The following TENM4 variants were observed in gnomAD, a reference collection of about 807,000 sequenced individuals.
The protein encoded by TENM4 is teneurin-4.
TENM4 carries 82 observed loss-of-function variants against 243.3 expected under a neutral mutation model. The ratio of observed to expected loss-of-function variants is 0.34; its 90% confidence interval spans 0.28 to 0.40. The LOEUF is 0.40. TENM4 is among the 10% of genes least tolerant of loss of function. The pLI is 1.00. For synonymous variants in TENM4, 1,412 were observed against 1,456.3 expected (o/e 0.97, Z 0.69); for missense variants, 3,138 against 3,673.3 (o/e 0.85, Z 3.77).
At chr11:78,892,191 C>T (rs1855684095) in intron 7 of TENM4, among the ~76,000 whole-genome samples, 1 of 152,220 alleles carries the variant, frequency 6.6e-6, no homozygotes, top group Non-Finnish European at 1.5e-5. Context: ...GACAGACATA[C>T]TTGCCCTTTT....
At chr11:79,301,788 C>T (rs914324272) in intron 1 of TENM4, among the ~76,000 whole-genome samples, 1 of 152,136 alleles carries the variant, frequency 6.6e-6, no homozygotes, top group Non-Finnish European at 1.5e-5. Flanking sequence ...CTTGGCCTCA[C>T]CCCCCTTGCT....
At position 78,845,276 on chromosome 11, in the gene TENM4, A is replaced by G. The variant is rs987258733; in HGVS notation, c.1681+8828T>C. On this transcript the variant is annotated intron_variant, in intron 12 of 33. Coordinates refer to ENST00000278550, the MANE Select transcript of TENM4 (RefSeq NM_001098816.3). ...TCAGCAAATGCTGAATACTTGACACATTTAGAAACACACTGAGTACCTACC... is the reference window on the plus strand; with the variant it reads ...TCAGCAAATGCTGAATACTTGACACGTTTAGAAACACACTGAGTACCTACC... Among the ~76,000 whole-genome samples the G allele has an allele frequency of 9.2e-5, 14 of 152,248 alleles. No homozygotes were observed. In the East Asian group the frequency reaches 2.7e-3, roughly 29 times the overall value.
chr11:79,385,914 G>A (rs1858102220), intron 1 of TENM4, among the ~76,000 whole-genome samples: 1 of 152,134 alleles, frequency 6.6e-6, no homozygotes. Flanking sequence ...GAGACTTTGA[G>A]TACCTGTTGT....
At chr11:78,781,126 C>T (rs952078090) in intron 16 of TENM4, among the ~76,000 whole-genome samples, 2 of 152,152 alleles carry the variant, frequency 1.3e-5, no homozygotes, top group South Asian at 2.1e-4. Flanking sequence ...AAGGCATATG[C>T]GGAAGTCCAT....
At chr11:79,125,323 C>T (rs1861852140) in intron 4 of TENM4, among the ~76,000 whole-genome samples, 1 of 152,116 alleles carries the variant, frequency 6.6e-6, no homozygotes, top group Non-Finnish European at 1.5e-5. Context: ...GTAATGAACT[C>T]AGGGATTCCA....
chr11:79,390,366 C>A (rs1317144798), intron 1 of TENM4, among the ~76,000 whole-genome samples: 1 of 152,190 alleles, frequency 6.6e-6, no homozygotes, highest in African/African-American at 2.4e-5. Flanking sequence ...GCTCTTCTTC[C>A]AAAAGACGCC....
In TENM4 at chr11:78,786,998, G is replaced by A. The variant is rs746983695; in HGVS notation, c.2265C>T (p.Cys755=). The part of the protein sequence containing the change: ...RCEDGWMGAA[C]DQRACHPRCA... ...AGCGCGGGTGGCAGGCCCGCTGGTCGCAGGCTGCCCCCATCCAGCCATCCT... is the reference window on the plus strand; with the variant it reads ...AGCGCGGGTGGCAGGCCCGCTGGTCACAGGCTGCCCCCATCCAGCCATCCT... The change falls in exon 16 of 34, where the codon TGC becomes TGT. Residue 755 remains cysteine (C), a synonymous_variant. Transcript: ENST00000278550. 2.2e-5 allele frequency: 34 copies of A among 1,573,500 alleles called. No homozygotes were observed. The highest frequency in any genetic ancestry group is 3.3e-4 in the Middle Eastern group (2 of 6,038).
chr11:78,935,341 A>G (rs1856762000), intron 6 of TENM4, among the ~76,000 whole-genome samples: 1 of 152,140 alleles, frequency 6.6e-6, no homozygotes, highest in Admixed American at 6.5e-5. Context: ...AGTTTCTTGA[A>G]CACTTGGAAA....
intron 4 of TENM4, among the ~76,000 whole-genome samples, chr11:79,092,250 T>A (rs1362755616): frequency 3.3e-5 from 5 of 152,202 alleles, no homozygotes; most frequent in Non-Finnish European, 5.9e-5. Flanking sequence ...ACTTTCAAAG[T>A]AATGAGTGTA....
chr11:79,094,108 G>C (rs929429139), intron 4 of TENM4, among the ~76,000 whole-genome samples: 74 of 152,296 alleles, frequency 4.9e-4, no homozygotes, highest in African/African-American at 1.6e-3. Flanking sequence ...GGACAGAGCT[G>C]GTTCAGAAGC....
chr11:78,879,050 T>A (rs1859342565), intron 9 of TENM4, among the ~76,000 whole-genome samples: 1 of 150,694 alleles, frequency 6.6e-6, no homozygotes, highest in African/African-American at 2.4e-5. Context: ...GGCTGCCCCA[T>A]CTAGGAAGTG....
chr11:78,820,682 A>G (rs1857707212), intron 12 of TENM4, among the ~76,000 whole-genome samples: 1 of 152,250 alleles, frequency 6.6e-6, no homozygotes, highest in Non-Finnish European at 1.5e-5. Context: ...TCTGGGGGGT[A>G]AACCCACAGA....
intron 3 of TENM4, among the ~76,000 whole-genome samples, chr11:79,196,951 C>T (rs561532680): frequency 1.3e-4 from 20 of 152,162 alleles, no homozygotes; most frequent in Non-Finnish European, 1.5e-4. Flanking sequence ...CTTATGGATG[C>T]GTGTTCAGCA....
chr11:78,722,730 A>C lies in TENM4; in HGVS notation c.3738T>G (p.Gly1246=). Residue 1246 remains glycine, a synonymous_variant, in exon 24 of 34, where the codon GGT becomes GGG. Coordinates refer to ENST00000278550, the MANE Select transcript of TENM4 (RefSeq NM_001098816.3). ...AGATCCTTCTAATGTAGTTGAAATC[A>C]CCCACATAGAGGCTCCCGTCAGAGC... is the stretch of plus-strand genomic sequence containing the variant. ...TCGSDGSLYV[G]DFNYIRRIFP... is the part of the protein sequence containing the mutation. The C allele has an allele frequency of 6.2e-7, 1 of 1,614,030 alleles. No individual in the cohort carries two copies. The highest frequency in any genetic ancestry group is 8.5e-7 in the Non-Finnish European group (1 of 1,179,894).
At chr11:79,333,667 G>C (rs1276265680) in intron 1 of TENM4, among the ~76,000 whole-genome samples, 1 of 152,096 alleles carries the variant, frequency 6.6e-6, no homozygotes, top group East Asian at 1.9e-4. Context: ...AACCATGTCT[G>C]GTCTTCAGAT....
intron 17 of TENM4, among the ~76,000 whole-genome samples, chr11:78,775,287 G>A (rs1402370839): frequency 6.6e-6 from 1 of 152,132 alleles, no homozygotes; most frequent in African/African-American, 2.4e-5. Flanking sequence ...ATGGCATCTT[G>A]GGCACATAGT....
chr11:78,729,941 G>T (rs1855614595), intron 21 of TENM4, among the ~76,000 whole-genome samples: 1 of 152,114 alleles, frequency 6.6e-6, no homozygotes, highest in Non-Finnish European at 1.5e-5. Flanking sequence ...CCCTGCAGGA[G>T]TCACCTCACC....
chr11:78,909,338 A>G (rs931029616), intron 6 of TENM4, among the ~76,000 whole-genome samples: 10 of 152,218 alleles, frequency 6.6e-5, no homozygotes, highest in African/African-American at 9.7e-5. Context: ...TTTAATCCTT[A>G]TAACAGCTCT....
chr11:78,789,989 G>A (rs752559011), intron 15 of TENM4, among the ~76,000 whole-genome samples: 1 of 152,108 alleles, frequency 6.6e-6, no homozygotes, highest in African/African-American at 2.4e-5. Context: ...CACTTCAGAG[G>A]CTTCTTCCTA....
Sources: allele counts gnomAD v4.1 joint callset (sites outside exome capture counted in the v4.1 genomes callset), GRCh38; gene constraint gnomAD v4.1.1; transcripts MANE v1.5; gene names NCBI Gene and HGNC (gene_info 2026-07-23, HGNC 2026-07-21).